The following SHANK2 variants were observed in gnomAD, a reference collection of about 807,000 sequenced individuals.
The protein encoded by SHANK2 is SH3 and multiple ankyrin repeat domains protein 2.
In SHANK2, 43 loss-of-function variants were observed where a neutral mutation model predicts 133.7. That is an observed-to-expected ratio of 0.32 (90% CI 0.25 to 0.41). SHANK2 has a LOEUF of 0.41. SHANK2 is among the 10% of genes least tolerant of loss of function. The pLI, the probability that SHANK2 is intolerant of heterozygous loss-of-function variation, is 1.00. For synonymous variants in SHANK2, 1,017 were observed against 952.8 expected, an observed-to-expected ratio of 1.07 and a Z score of -1.24; for missense variants, 1,994 against 2,235.8, an observed-to-expected ratio of 0.89 and a Z score of 2.18.
chr11:70,523,076 T>C (rs1316254504), intron 17 of SHANK2, among the ~76,000 whole-genome samples: 1 of 152,090 alleles, frequency 6.6e-6, no homozygotes, highest in Non-Finnish European at 1.5e-5. Context: ...GCAATGCTGG[T>C]GTGGGTGTGG....
chr11:70,577,036 G>T (rs1043750305), intron 17 of SHANK2, among the ~76,000 whole-genome samples: 1 of 152,162 alleles, frequency 6.6e-6, no homozygotes. Flanking sequence ...CTGCCACGGA[G>T]GCCACGCCGC....
intron 11 of SHANK2, among the ~76,000 whole-genome samples, chr11:70,839,319 A>G (rs1555060930): frequency 6.6e-6 from 1 of 152,226 alleles, no homozygotes; most frequent in African/African-American, 2.4e-5. Context: ...CAGCCTAGAA[A>G]GCCCTCAGGG....
rs368526107 is a variant in SHANK2, at chr11:70,522,652, C to T, written c.2062-19721G>A. 2.4e-4 allele frequency among the ~76,000 whole-genome samples: 37 copies of T among 152,362 alleles called. No individual in the cohort carries two copies. The South Asian group carries it at 2.7e-3, about 11-fold the overall frequency. On this transcript the variant is annotated intron_variant, in intron 17 of 25. Coordinates refer to ENST00000601538, the MANE Select transcript of SHANK2 (RefSeq NM_012309.5). ...CAGGCCCCTTACCCGGCTCCAGCTC[C>T]GCGGGCTGGCCGGCCACCTGCTCAC...
intron 2 of SHANK2, among the ~76,000 whole-genome samples, chr11:71,159,620 G>A (rs1255734101): frequency 6.6e-6 from 1 of 152,178 alleles, no homozygotes; most frequent in East Asian, 1.9e-4. Context: ...AAGGCATCGG[G>A]TACAAGGCAT....
At chr11:71,133,924 G>GT (rs1299835623) in intron 3 of SHANK2, among the ~76,000 whole-genome samples, 2 of 100,834 alleles carry the variant, frequency 2.0e-5, no homozygotes, top group Admixed American at 1.1e-4. Context: ...GGAAAACTAT[G>GT]TATTTTTTTT....
rs1555072579 is a variant in SHANK2, at chr11:70,882,291, C to T, written c.1174+14210G>A. Among the ~76,000 whole-genome samples, 2 of 151,968 alleles carry T rather than the reference C, an allele frequency of 1.3e-5. No individual in the cohort carries two copies. The highest frequency in any genetic ancestry group is 2.1e-4 in the South Asian group (1 of 4,812). On this transcript the variant is annotated intron_variant, in intron 11 of 25. Coordinates refer to ENST00000601538, the MANE Select transcript of SHANK2 (RefSeq NM_012309.5). This position sits in a 1 kb window ranked among gnomAD's most constrained non-coding sequence, Gnocchi z 4.2. ...AAGTGTTTCCAGGCCTGGTGAGCTC[C>T]GGGGTGGGACGGGAGAGGGGCCACT...
At chr11:70,478,296 G>A (rs1324308724) in intron 25 of SHANK2, among the ~76,000 whole-genome samples, 2 of 151,884 alleles carry the variant, frequency 1.3e-5, no homozygotes, top group African/African-American at 2.4e-5. Context: ...CTCTTTAACT[G>A]TAGCTGAACA....
rs782235775 is a variant in SHANK2, at chr11:70,473,064, C to T, written c.5355G>A (p.Leu1785=). Residue 1785 remains leucine, a synonymous_variant, in exon 26 of 26, where the codon CTG becomes CTA. Coordinates refer to ENST00000601538, the MANE Select transcript of SHANK2 (RefSeq NM_012309.5). This position sits in a 1 kb window ranked among gnomAD's most constrained non-coding sequence, Gnocchi z 5.9. ...NKPFTTKPVH[L]WTKPDVADWL... ...AATCGGCCACATCTGGTTTAGTCCA[C>T]AGGTGGACAGGTTTAGTTGTAAAAG... The T allele has an allele frequency of 2.2e-5, 35 of 1,614,130 alleles. No homozygotes were observed. The highest frequency in any genetic ancestry group is 2.7e-5 in the Non-Finnish European group (32 of 1,180,064).
intron 8 of SHANK2, among the ~76,000 whole-genome samples, chr11:71,086,883 C>T (rs940238247): frequency 1.3e-5 from 2 of 152,138 alleles, no homozygotes; most frequent in African/African-American, 2.4e-5. Flanking sequence ...AGGAGGCTCG[C>T]GAAGGCAAAG....
At chr11:71,076,009 A>G (rs1951213527) in intron 8 of SHANK2, among the ~76,000 whole-genome samples, 1 of 152,170 alleles carries the variant, frequency 6.6e-6, no homozygotes, top group African/African-American at 2.4e-5. Context: ...TAACCCTCAC[A>G]GGGTTCAGAT....
intron 10 of SHANK2, among the ~76,000 whole-genome samples, chr11:70,928,813 C>T (rs145421062): frequency 1.1e-4 from 16 of 152,264 alleles, no homozygotes; most frequent in African/African-American, 3.6e-4. Context: ...GGTAGAGCTG[C>T]CTTCAAACCC....
In SHANK2 at chr11:70,803,046, C is replaced by T. The variant is rs868996043; in HGVS notation, c.1663+3956G>A. Among the ~76,000 whole-genome samples, 43 of 152,214 alleles carry T rather than the reference C, an allele frequency of 2.8e-4. No individual in the cohort carries two copies. In the Middle Eastern group the frequency reaches 0.017, roughly 60 times the overall value. ...TGGCAGGTGGGGGCGAGGACACTCC[C>T]AGAGGAAGGGACATGGCAGCCGAAT... On this transcript the variant is annotated intron_variant, in intron 13 of 25. Coordinates refer to ENST00000601538, the MANE Select transcript of SHANK2 (RefSeq NM_012309.5).
chr11:70,590,744 A>G (rs1164058347), intron 17 of SHANK2, among the ~76,000 whole-genome samples: 2 of 152,046 alleles, frequency 1.3e-5, no homozygotes, highest in Non-Finnish European at 2.9e-5. Flanking sequence ...CAGGATAAAC[A>G]TAACTTTTCT....
At chr11:70,716,899 C>A (rs1344370159) in intron 14 of SHANK2, among the ~76,000 whole-genome samples, 1 of 146,436 alleles carries the variant, frequency 6.8e-6, no homozygotes, top group Non-Finnish European at 1.5e-5. Flanking sequence ...CCCGGAGCCC[C>A]CCCCCCGCCC....
chr11:70,800,184 C>CATT (rs1313539645), intron 13 of SHANK2, among the ~76,000 whole-genome samples: 1 of 152,132 alleles, frequency 6.6e-6, no homozygotes, highest in Non-Finnish European at 1.5e-5. Flanking sequence ...CACGACACCT[C>CATT]ATTATTATTA....
Position 70,779,772 on chromosome 11 carries a change from C to A in SHANK2, c.1777+18671G>T, listed in dbSNP as rs73529986. Among the ~76,000 whole-genome samples the A allele has an allele frequency of 2.6e-3, 402 of 152,322 alleles. 1 individual carries two copies. Among genetic ancestry groups the A allele is most frequent in the African/African-American group, 9.3e-3 (388 of 41,576 alleles). On this transcript the variant is annotated intron_variant, in intron 14 of 25. Transcript: ENST00000601538. ...AAGGCATATCTCTAACTATGGCCTG[C>A]AGAGGTCCTGCCTGCCACCCCCTCC...
chr11:71,061,964 TTTCTTTC>T, intron 9 of SHANK2, among the ~76,000 whole-genome samples: 1 of 140,994 alleles, frequency 7.1e-6, no homozygotes, highest in African/African-American at 2.6e-5. Flanking sequence ...CCAAAAAGTC[TTTCTTTC>T]TTTTTTTTTT....
At chr11:70,921,011 G>A (rs1427926314) in intron 10 of SHANK2, among the ~76,000 whole-genome samples, 1 of 152,102 alleles carries the variant, frequency 6.6e-6, no homozygotes, top group African/African-American at 2.4e-5. Context: ...AAAAATGGCT[G>A]ATTCCATGTC....
At chr11:70,625,812 A>C (rs1463172979) in intron 17 of SHANK2, among the ~76,000 whole-genome samples, 5 of 45,112 alleles carry the variant, frequency 1.1e-4, no homozygotes, top group Non-Finnish European at 2.7e-4. Context: ...GCAAAAATGA[A>C]AAAAAAAAAA....
Sources: allele counts gnomAD v4.1 joint callset (sites outside exome capture counted in the v4.1 genomes callset), GRCh38; gene constraint gnomAD v4.1.1; non-coding constraint Gnocchi (gnomAD v3.1); transcripts MANE v1.5; gene names NCBI Gene and HGNC (gene_info 2026-07-23, HGNC 2026-07-21).